RASSF5: variants seen among roughly 807,000 people sequenced by gnomAD.
The protein encoded by RASSF5 is ras association domain-containing protein 5.
RASSF5 carries 25 observed loss-of-function variants against 40.5 expected under a neutral mutation model. That is an observed-to-expected ratio of 0.62 (90% CI 0.45 to 0.86). The LOEUF (loss-of-function observed/expected upper bound fraction) is 0.86, where lower values mean the gene tolerates loss of function less well. Ranked by LOEUF, RASSF5 falls within the 40% of genes least tolerant of loss-of-function variation. The pLI, the probability that RASSF5 is intolerant of heterozygous loss-of-function variation, is 0.00. For missense variants in RASSF5, 521 were observed against 572.8 expected, an observed-to-expected ratio of 0.91 and a Z score of 0.92; for synonymous variants, 246 against 252.4, an observed-to-expected ratio of 0.97 and a Z score of 0.24.
rs1390802492 is a variant in RASSF5, at chr1:206,507,534, T to A, written c.-69T>A. ...CGCTGGTGTGGGGCGGCCCCTTCTC[T>A]CGGGGCTGGCTCGGGAGTAGCGCAG... On this transcript the variant is annotated 5_prime_UTR_variant, in exon 1 of 6. Coordinates refer to ENST00000579436, the MANE Select transcript of RASSF5 (RefSeq NM_182663.4). 13 of 1,251,834 alleles carry A rather than the reference T, an allele frequency of 1.0e-5. No homozygotes were observed. The highest frequency in any genetic ancestry group is 1.6e-5 in the African/African-American group (1 of 62,654). 77.5% of individuals were successfully genotyped at this position (1,251,834 alleles called of 1,614,324 possible). A position where few individuals can be genotyped will look rare whatever the true frequency, so the allele number is the denominator to read the frequency against.
At chr1:206,520,780 T>C (rs1327709064) in intron 1 of RASSF5, among the ~76,000 whole-genome samples, 1 of 151,872 alleles carries the variant, frequency 6.6e-6, no homozygotes, top group African/African-American at 2.4e-5. Context: ...TGGTGTGGGG[T>C]AAATTAAATG....
rs534934985 is a variant in RASSF5 at position 206,547,319 on chromosome 1, G to A, written c.579+9026G>A. Among the ~76,000 whole-genome samples the A allele has an allele frequency of 2.8e-3, 421 of 152,062 alleles. 2 individuals are homozygous for A. The highest frequency in any genetic ancestry group is 3.9e-3 in the Non-Finnish European group (267 of 68,016). On this transcript the variant is annotated intron_variant, in intron 2 of 5. Coordinates refer to ENST00000579436, the MANE Select transcript of RASSF5 (RefSeq NM_182663.4). ...GGTGAGCAGTTGGAGAGCAAGCCAC[G>A]CTTCATCTGTATTTACAGCCACTCC...
intron 2 of RASSF5, chr1:206,557,077 G>T: frequency 1.1e-6 from 1 of 938,996 alleles, no homozygotes; most frequent in Non-Finnish European, 1.3e-6. Flanking sequence ...CACCGGGGGC[G>T]GGTGGCACCC....
In RASSF5 at chr1:206,547,068, C is replaced by T. The variant is rs551381314; in HGVS notation, c.579+8775C>T. Among the ~76,000 whole-genome samples the T allele has an allele frequency of 2.6e-3, 403 of 152,144 alleles. 4 individuals carry two copies. The highest frequency in any genetic ancestry group is 9.4e-3 in the African/African-American group (391 of 41,498). ...GGAGGGTCATTTGAGCCCAGGAGCT[C>T]GAGACCAGCCTGGGCAACATAGTGA... On this transcript the variant is annotated intron_variant, in intron 2 of 5. Coordinates refer to ENST00000579436, the MANE Select transcript of RASSF5 (RefSeq NM_182663.4).
chr1:206,556,145 C>T (rs1210713402), intron 2 of RASSF5, among the ~76,000 whole-genome samples: 2 of 152,218 alleles, frequency 1.3e-5, no homozygotes, highest in Non-Finnish European at 2.9e-5. Context: ...ACTCCAGCCC[C>T]CACTGTATTT....
chr1:206,526,194 G>C (rs1667091462), intron 1 of RASSF5, among the ~76,000 whole-genome samples: 1 of 152,000 alleles, frequency 6.6e-6, no homozygotes, highest in African/African-American at 2.4e-5. Flanking sequence ...GGCCATCTCT[G>C]ACCTTAGAGT....
In RASSF5 at chr1:206,556,307, TAC is replaced by T. The variant is rs1403916432; in HGVS notation, c.579+18018_579+18019del. 2.0e-5 allele frequency among the ~76,000 whole-genome samples: 3 copies of T among 152,350 alleles called. No homozygotes were observed. In the East Asian group the frequency reaches 5.8e-4, roughly 29 times the overall value. The stretch of plus-strand genomic sequence containing the variant: ...CTCCGAGCCTTACTTTTCTCATCTG[TAC>T]ACAGTCTCTGTCTCAAGGCTATTGG... On this transcript the variant is annotated intron_variant, in intron 2 of 5. Coordinates refer to ENST00000579436, the MANE Select transcript of RASSF5 (RefSeq NM_182663.4).
intron 2 of RASSF5, among the ~76,000 whole-genome samples, chr1:206,577,625 T>A (rs1668705039): frequency 6.6e-6 from 1 of 152,228 alleles, no homozygotes; most frequent in South Asian, 2.1e-4. Context: ...CCCTACTATG[T>A]GTCAAGCTGG....
chr1:206,572,248 T>C (rs1668477266), intron 2 of RASSF5, among the ~76,000 whole-genome samples: 1 of 152,200 alleles, frequency 6.6e-6, no homozygotes, highest in Non-Finnish European at 1.5e-5. Flanking sequence ...ACCCCTATTG[T>C]GTGCCTGACA....
chr1:206,524,737 A>C (rs1171419841), intron 1 of RASSF5, among the ~76,000 whole-genome samples: 3 of 145,690 alleles, frequency 2.1e-5, no homozygotes, highest in Non-Finnish European at 3.0e-5. Context: ...GGGGCAGAAG[A>C]GATGGGAAGG....
At chr1:206,581,879 G>A (rs1668895845) in intron 2 of RASSF5, among the ~76,000 whole-genome samples, 1 of 152,110 alleles carries the variant, frequency 6.6e-6, no homozygotes. Flanking sequence ...GCTCTGTCAC[G>A]GAGGGGGGGC....
At chr1:206,509,960 C>G (rs906638945) in intron 1 of RASSF5, among the ~76,000 whole-genome samples, 2 of 152,104 alleles carry the variant, frequency 1.3e-5, no homozygotes, top group African/African-American at 2.4e-5. Context: ...CTCATGGTCC[C>G]CCACAGAGTT....
intron 1 of RASSF5, among the ~76,000 whole-genome samples, chr1:206,516,709 G>A (rs1553395456): frequency 6.6e-6 from 1 of 152,100 alleles, no homozygotes; most frequent in Non-Finnish European, 1.5e-5. Context: ...CGCCTGCCTC[G>A]GCCTCCCAAA....
At chr1:206,542,067 A>G (rs1667558077) in intron 2 of RASSF5, 1 of 152,240 alleles carries the variant, frequency 6.6e-6, no homozygotes, top group African/African-American at 2.4e-5. Context: ...GAGAAACATA[A>G]GCACTATTCC....
chr1:206,509,649 T>C (rs929110557), intron 1 of RASSF5, among the ~76,000 whole-genome samples: 1 of 152,192 alleles, frequency 6.6e-6, no homozygotes, highest in Non-Finnish European at 1.5e-5. Flanking sequence ...ATCTGCTTCG[T>C]TGGCATTCTA....
chr1:206,581,833 C>T (rs1383604844), intron 2 of RASSF5, among the ~76,000 whole-genome samples: 2 of 151,944 alleles, frequency 1.3e-5, no homozygotes, highest in Non-Finnish European at 2.9e-5. Flanking sequence ...GGCGTGTCTC[C>T]CACATGGCTT....
intron 2 of RASSF5, chr1:206,571,455 A>G (rs1668446988): frequency 6.6e-6 from 1 of 152,184 alleles, no homozygotes; most frequent in African/African-American, 2.4e-5. Context: ...CCCACCGTCC[A>G]TCCTTAATTA....
intron 2 of RASSF5, among the ~76,000 whole-genome samples, chr1:206,546,879 G>A (rs11119007): frequency 0.84 from 127,398 of 152,244 alleles, 53,475 homozygotes; most frequent in East Asian, 1. Flanking sequence ...TTAAAGTTGA[G>A]AAATCATAAG....
chr1:206,524,933 A>G (rs1553396975), intron 1 of RASSF5, among the ~76,000 whole-genome samples: 1 of 151,776 alleles, frequency 6.6e-6, no homozygotes, highest in African/African-American at 2.4e-5. Context: ...AGCACCCCCA[A>G]AGAACAAAGT....
Sources: allele counts gnomAD v4.1 joint callset (sites outside exome capture counted in the v4.1 genomes callset), GRCh38; gene constraint gnomAD v4.1.1; transcripts MANE v1.5; gene names NCBI Gene and HGNC (gene_info 2026-07-23, HGNC 2026-07-21).